Variants in KCNN2 observed in about 807,000 individuals in gnomAD.
KCNN2 encodes the protein potassium calcium-activated channel subfamily N member 2.
A neutral mutation model predicts 55.5 loss-of-function variants in KCNN2; 24 were observed. The observed-to-expected ratio is 0.43, with a 90% CI of 0.31 to 0.61. The LOEUF is 0.61. Ranked by LOEUF, KCNN2 falls within the 20% of genes least tolerant of loss-of-function variation. KCNN2 has a pLI of 0.08. For missense variants in KCNN2, 754 were observed against 853.6 expected (o/e 0.88, Z 1.45); for synonymous variants, 431 against 336.1 (o/e 1.28, Z -3.09).
rs1187312100 is a variant in KCNN2, at chr5:114,362,718, C to T, written c.579C>T (p.His193=). The T allele has an allele frequency of 9.9e-6, 15 of 1,509,654 alleles. No individual in the cohort carries two copies. The highest frequency in any genetic ancestry group is 1.8e-4 in the Middle Eastern group (1 of 5,660). The allele number at this position is 1,509,654 out of a possible 1,614,324, so 93.5% of individuals were successfully genotyped here. ...SHHHHHPHPA[H]HQHHQPQARR... is the part of the protein sequence containing the mutation. ...ACCACCACCACCCGCACCCGGCGCA[C>T]CACCAGCACCACCAGCCCCAGGCGC... The change falls in exon 1 of 8, where the codon CAC becomes CAT. Residue 193 remains histidine (H), a synonymous_variant. Transcript: ENST00000673685.
chr5:114,286,074 C>T (rs1055499455), intron 2 of KCNN2, among the ~76,000 whole-genome samples: 7 of 152,052 alleles, frequency 4.6e-5, no homozygotes, highest in African/African-American at 1.7e-4. Flanking sequence ...CATGTGCCAC[C>T]ATGCCTGGCT....
chr5:114,105,053 A>G (rs974086960), intron 1 of KCNN2, among the ~76,000 whole-genome samples: 1 of 152,102 alleles, frequency 6.6e-6, no homozygotes, highest in Admixed American at 6.6e-5. Flanking sequence ...AGGTTCATTC[A>G]TCACGAGTAC....
At chr5:114,099,343 CA>C (rs1281539767) in intron 1 of KCNN2, among the ~76,000 whole-genome samples, 2 of 152,150 alleles carry the variant, frequency 1.3e-5, no homozygotes, top group Admixed American at 1.3e-4. Flanking sequence ...GCGTTACTCC[CA>C]CTTCCTCTTT....
At chr5:114,215,070 G>A (rs1275078637) in intron 1 of KCNN2, among the ~76,000 whole-genome samples, 2 of 152,060 alleles carry the variant, frequency 1.3e-5, no homozygotes, top group African/African-American at 4.8e-5. Flanking sequence ...CTGATTTGGT[G>A]ACAAGAATGT....
chr5:114,426,391 T>A (rs1759626393), intron 3 of KCNN2, among the ~76,000 whole-genome samples: 1 of 152,190 alleles, frequency 6.6e-6, no homozygotes, highest in South Asian at 2.1e-4. Flanking sequence ...TTGCTGAATT[T>A]GGTTTGCTAG....
At chr5:114,201,435 T>G (rs564078264) in intron 1 of KCNN2, among the ~76,000 whole-genome samples, 1 of 152,106 alleles carries the variant, frequency 6.6e-6, no homozygotes, top group African/African-American at 2.4e-5. Flanking sequence ...TCAGAATGGG[T>G]GAGGCCCATC....
chr5:114,110,245 C>G (rs1452382487), intron 1 of KCNN2, among the ~76,000 whole-genome samples: 1 of 151,994 alleles, frequency 6.6e-6, no homozygotes, highest in Non-Finnish European at 1.5e-5. Flanking sequence ...CAAGCCAATA[C>G]TGGGCATAAT....
chr5:114,372,296 A>C (rs1033039032), intron 2 of KCNN2, among the ~76,000 whole-genome samples: 1 of 152,174 alleles, frequency 6.6e-6, no homozygotes, highest in Non-Finnish European at 1.5e-5. Context: ...GGACAAGCCA[A>C]GGTCAGAGTT....
chr5:114,076,854 C>T (rs561883768), intron 1 of KCNN2, among the ~76,000 whole-genome samples: 3 of 152,016 alleles, frequency 2.0e-5, no homozygotes, highest in South Asian at 2.1e-4. Context: ...CCAACATGCC[C>T]GGCTAATTTT....
At chr5:114,349,701 G>A (rs1757173029) in intron 2 of KCNN2, among the ~76,000 whole-genome samples, 1 of 152,016 alleles carries the variant, frequency 6.6e-6, no homozygotes, top group East Asian at 1.9e-4. Context: ...TATGGATTAT[G>A]CTGCAGGGAA....
chr5:114,359,582 A>G (rs1757365697), upstream of KCNN2, among the ~76,000 whole-genome samples: 1 of 152,244 alleles, frequency 6.6e-6, no homozygotes. Context: ...TAGTAACTGT[A>G]GAACCTTATA....
intron 3 of KCNN2, among the ~76,000 whole-genome samples, chr5:114,442,333 G>A (rs1418547945): frequency 1.3e-5 from 2 of 151,600 alleles, no homozygotes; most frequent in Admixed American, 1.3e-4. Context: ...AGTAACTTCT[G>A]TTCATTGAAG....
intron 3 of KCNN2, among the ~76,000 whole-genome samples, chr5:114,430,960 T>G (rs1224050451): frequency 1.3e-5 from 2 of 152,166 alleles, no homozygotes; most frequent in African/African-American, 4.8e-5. Flanking sequence ...AATTGTGATA[T>G]AAAAGTGTTT....
At chr5:114,289,553 T>C (rs1339102780) in intron 2 of KCNN2, among the ~76,000 whole-genome samples, 2 of 151,902 alleles carry the variant, frequency 1.3e-5, no homozygotes, top group Non-Finnish European at 2.9e-5. Flanking sequence ...ACTTTTGTAT[T>C]TTTAGTCTAA....
chr5:114,313,994 C>T (rs1482358222), intron 2 of KCNN2, among the ~76,000 whole-genome samples: 1 of 151,944 alleles, frequency 6.6e-6, no homozygotes, highest in Admixed American at 6.6e-5. Flanking sequence ...CTTCGATGAA[C>T]GTTTCTTTTT....
At chr5:114,335,637 G>C (rs145998361) in intron 2 of KCNN2, among the ~76,000 whole-genome samples, 148 of 152,286 alleles carry the variant, frequency 9.7e-4, no homozygotes, top group African/African-American at 3.4e-3. Flanking sequence ...CAAATTTAGA[G>C]AGAGATTTGG....
At chr5:114,397,529 A>G (rs186116032) in intron 2 of KCNN2, among the ~76,000 whole-genome samples, 2 of 152,134 alleles carry the variant, frequency 1.3e-5, no homozygotes, top group Admixed American at 1.3e-4. Flanking sequence ...TGAGATTACA[A>G]GCACGCAACA....
chr5:114,268,951 T>G (rs1755263784), intron 2 of KCNN2, among the ~76,000 whole-genome samples: 2 of 151,074 alleles, frequency 1.3e-5, no homozygotes, highest in African/African-American at 2.4e-5. Context: ...GGTGGGGGGG[T>G]TCTCTGAGGA....
In KCNN2 at chr5:114,191,843, GCTTC is replaced by G. The variant is rs1753456977; in HGVS notation, c.-270-29633_-270-29630del. 3.3e-5 allele frequency among the ~76,000 whole-genome samples: 5 copies of G among 152,270 alleles called. 2 individuals are homozygous for G. In the South Asian group the frequency reaches 1.0e-3, roughly 32 times the overall value. ...AAGCTATCTGGATGGGTCACCAGAAGCTTCCTTTGAGCCATTCACCATGACCCAG... is the reference window on the plus strand; with the variant it reads ...AAGCTATCTGGATGGGTCACCAGAAGCTTTGAGCCATTCACCATGACCCAG... On this transcript the variant is annotated intron_variant, in intron 1 of 10. Coordinates refer to the KCNN2 transcript ENST00000512097.
Sources: allele counts gnomAD v4.1 joint callset (sites outside exome capture counted in the v4.1 genomes callset), GRCh38; gene constraint gnomAD v4.1.1; transcripts MANE v1.5; gene names NCBI Gene and HGNC (gene_info 2026-07-23, HGNC 2026-07-21).